ANKRD1: variants seen among roughly 807,000 people sequenced by gnomAD.
ANKRD1 encodes ankyrin repeat domain 1, also known as ankyrin repeat domain-containing protein 1.
Under a neutral mutation model 40.1 loss-of-function variants are expected in ANKRD1, and 32 were observed. That is an observed-to-expected ratio of 0.80 (90% CI 0.60 to 1.07). The LOEUF is 1.07. Among genes scored for constraint, ANKRD1 ranks in the 50% least tolerant of loss-of-function variants. The pLI, the probability that ANKRD1 is intolerant of heterozygous loss-of-function variation, is 0.00. For missense variants in ANKRD1, 359 were observed against 386.0 expected (o/e 0.93, Z 0.59); for synonymous variants, 149 against 141.2 (o/e 1.06, Z -0.39).
chr10:90,918,966 G>T lies in ANKRD1; in HGVS notation c.352C>A (p.Pro118Thr), dbSNP rs1382512098. 1.9e-6 allele frequency: 3 copies of T among 1,587,658 alleles called. No homozygotes were observed. Among genetic ancestry groups the T allele is most frequent in the Non-Finnish European group, 2.6e-6 (3 of 1,171,426 alleles). ...TTCAGAAACGTAGGCACATCCACAG[G>T]TTCCGTCTAAAGCCAAAATAAATAA... ...KEPEPEIITEPVDVPTFLKAA... is the reference protein window; with the variant it reads ...KEPEPEIITETVDVPTFLKAA... The change falls in exon 4 of 9, where the codon CCT (proline) becomes ACT (threonine). Residue 118 changes from proline (P) to threonine (T), a missense_variant. Pro to Thr is a conservative substitution (Grantham distance 38, BLOSUM62 -1). Transcript: ENST00000371697.
At chr10:90,915,729 C>T (rs1361809671) in intron 7 of ANKRD1, 53 bp downstream of exon 7, 5 of 1,611,996 alleles carry the variant, frequency 3.1e-6, no homozygotes, top group Non-Finnish European at 3.4e-6. Context: ...GGAGTGATTC[C>T]AAATACAAAA....
In ANKRD1 at chr10:90,916,430, ATG is replaced by A. The variant is rs112074175; in HGVS notation, c.553-163_553-162del. 0.26 allele frequency among the ~76,000 whole-genome samples: 38,251 copies of A among 149,796 alleles called. 5,310 individuals carry two copies. The highest frequency in any genetic ancestry group is 0.39 in the African/African-American group (15,967 of 40,918). On this transcript the variant is annotated intron_variant, in intron 5 of 8. Transcript: ENST00000371697. ...TTACCAAATGTGTTAGCTAAATTAC[ATG>A]TGTGTGTGTGTGTGTGTGCATATGT...
Position 90,915,535 on chromosome 10 carries a change from G to T in ANKRD1, c.849+8C>A. The T allele has an allele frequency of 1.2e-6, 2 of 1,612,078 alleles. No individual in the cohort carries two copies. Among genetic ancestry groups the T allele is most frequent in the Non-Finnish European group, 1.7e-6 (2 of 1,178,258 alleles). The stretch of plus-strand genomic sequence containing the variant: ...TTGCAAGCGGTGTTTCTTGTTTCCA[G>T]TACTTACACAGTTCTTGATGTTGAG... On this transcript the variant is annotated splice_region_variant and intron_variant, in intron 8 of 8. Transcript: ENST00000371697.
chr10:90,913,629 A>T (rs1015825250), intron 8 of ANKRD1, among the ~76,000 whole-genome samples: 1 of 152,182 alleles, frequency 6.6e-6, no homozygotes, highest in Non-Finnish European at 1.5e-5. Flanking sequence ...TATTAAAACC[A>T]TGTCATCTCT....
intron 2 of ANKRD1, among the ~76,000 whole-genome samples, chr10:90,919,923 T>C (rs1458423602): frequency 1.3e-5 from 2 of 152,208 alleles, no homozygotes; most frequent in African/African-American, 2.4e-5. Flanking sequence ...TCACTGGACA[T>C]GTGTATCTTT....
At chr10:90,915,992 A>G (rs1847366338) in intron 6 of ANKRD1, 112 bp from the exon 7 acceptor site, 2 of 884,388 alleles carry the variant, frequency 2.3e-6, no homozygotes, top group South Asian at 1.4e-5. Flanking sequence ...TGCACACAGC[A>G]TGGGCCTCCA....
chr10:90,914,718 CCT>C (rs1208260924), intron 8 of ANKRD1, among the ~76,000 whole-genome samples: 4 of 31,582 alleles, frequency 1.3e-4, no homozygotes, highest in Admixed American at 4.1e-4. Context: ...ACTGAGTTTC[CCT>C]CCCCCCCCCC....
rs886973409 is a variant in ANKRD1, at chr10:90,919,132, A to G, written c.344T>C (p.Ile115Thr). The change falls in exon 3 of 9, where the codon ATT (isoleucine) becomes ACT (threonine). Residue 115 changes from isoleucine to threonine, a missense_variant and splice_region_variant. Coordinates refer to ENST00000371697, the MANE Select transcript of ANKRD1 (RefSeq NM_014391.3). ...PVVKEPEPEI[I>T]TEPVDVPTFL... ...GGAAACCAAAAAAAAAGCCCTTACA[A>G]TGATTTCAGGTTCTGGTTCCTTTAC... is the stretch of plus-strand genomic sequence containing the variant. 2 of 1,612,966 alleles carry G rather than the reference A, an allele frequency of 1.2e-6. No individual in the cohort carries two copies. The highest frequency in any genetic ancestry group is 1.7e-6 in the Non-Finnish European group (2 of 1,179,780).
chr10:90,920,870 C>A, intron 1 of ANKRD1, 131 bp downstream of exon 1: 2 of 850,078 alleles, frequency 2.4e-6, no homozygotes, highest in Non-Finnish European at 3.8e-6. Flanking sequence ...TTCATCACAT[C>A]AACCTTTTTC....
intron 7 of ANKRD1, 70 bp downstream of exon 7, chr10:90,915,712 G>T: frequency 6.2e-7 from 1 of 1,610,006 alleles, no homozygotes; most frequent in African/African-American, 1.3e-5. Context: ...GGGCACCCAG[G>T]CTTGGGGGAG....
intron 4 of ANKRD1, among the ~76,000 whole-genome samples, chr10:90,918,289 A>G (rs772145836): frequency 3.3e-5 from 5 of 152,182 alleles, no homozygotes; most frequent in African/African-American, 4.8e-5. Flanking sequence ...TTCATGGGGG[A>G]AAGAATACAA....
At chr10:90,917,867 A>T (rs1847389319) in intron 4 of ANKRD1, 37 bp from the exon 5 acceptor site, 2 of 1,547,312 alleles carry the variant, frequency 1.3e-6, no homozygotes, top group South Asian at 2.2e-5. Flanking sequence ...GATAGCAATA[A>T]ATATAAAAAT....
At chr10:90,920,659 T>C (rs1470848695) in intron 1 of ANKRD1, among the ~76,000 whole-genome samples, 2 of 152,250 alleles carry the variant, frequency 1.3e-5, no homozygotes, top group Non-Finnish European at 2.9e-5. Flanking sequence ...AAACTCAACT[T>C]TAGGTACTTT....
At chr10:90,915,744 T>C in intron 7 of ANKRD1, 38 bp downstream of exon 7, 1 of 1,612,406 alleles carries the variant, frequency 6.2e-7, no homozygotes, top group Non-Finnish European at 8.5e-7. Context: ...ACAAAAGCAA[T>C]GAAGCTTTGG....
intron 2 of ANKRD1, 70 bp downstream of exon 2, chr10:90,920,099 C>T: frequency 3.1e-6 from 5 of 1,598,608 alleles, no homozygotes; most frequent in African/African-American, 2.7e-5. Flanking sequence ...CTCTCTTCTC[C>T]TTCCCTGACA....
At position 90,919,157 on chromosome 10, in the gene ANKRD1, C is replaced by A. The variant is rs114435632; in HGVS notation, c.319G>T (p.Val107Leu). The change falls in exon 3 of 9, where the codon GTA (valine) becomes TTA (leucine). Residue 107 changes from valine (V) to leucine (L), a missense_variant. Coordinates refer to ENST00000371697, the MANE Select transcript of ANKRD1 (RefSeq NM_014391.3). ...KKYRKTKVPV[V>L]KEPEPEIITE... ...ATGATTTCAGGTTCTGGTTCCTTTA[C>A]AACTGGAACTTTAGTTTTCCTGTAT... The A allele has an allele frequency of 4.2e-4, 682 of 1,612,840 alleles. 2 individuals carry two copies. The African/African-American group carries it at 8.2e-3, about 19-fold the overall frequency.
At chr10:90,919,482 T>C (rs1479447805) in intron 2 of ANKRD1, among the ~76,000 whole-genome samples, 2 of 152,232 alleles carry the variant, frequency 1.3e-5, no homozygotes, top group Non-Finnish European at 2.9e-5. Context: ...TGCCATCATC[T>C]TTACTTCTGT....
chr10:90,916,127 GA>G (rs1351988041), intron 6 of ANKRD1, 43 bp downstream of exon 6: 1 of 1,226,436 alleles, frequency 8.2e-7, no homozygotes, highest in Admixed American at 2.0e-5. Flanking sequence ...GGGGGACAGG[GA>G]GGGGGAGGGG....
In ANKRD1 at chr10:90,918,011, T is replaced by C. The variant is rs535876359; in HGVS notation, c.454-181A>G. 5.3e-5 allele frequency among the ~76,000 whole-genome samples: 8 copies of C among 152,338 alleles called. No individual in the cohort carries two copies. In the South Asian group the frequency reaches 1.7e-3, roughly 32 times the overall value. On this transcript the variant is annotated intron_variant, in intron 4 of 8. Transcript: ENST00000371697. Reference sequence around the variant, plus strand: ...AGAATCAGAACAATTATCCTGCAACTAATATTTGAGCTTCCTCCAATATAC... The same window carrying C: ...AGAATCAGAACAATTATCCTGCAACCAATATTTGAGCTTCCTCCAATATAC...
Sources: allele counts gnomAD v4.1 joint callset (sites outside exome capture counted in the v4.1 genomes callset), GRCh38; gene constraint gnomAD v4.1.1; transcripts MANE v1.5; gene names NCBI Gene and HGNC (gene_info 2026-07-23, HGNC 2026-07-21).